The following PPP1R36 variants were observed in gnomAD, a reference collection of about 807,000 sequenced individuals.
PPP1R36 encodes the protein chromosome 14 open reading frame 50.
A neutral mutation model predicts 53.4 loss-of-function variants in PPP1R36; 47 were observed. That is an observed-to-expected ratio of 0.88 (90% CI 0.70 to 1.12). The LOEUF is 1.12. Ranked by LOEUF, PPP1R36 falls within the 50% of genes most tolerant of loss-of-function variation. The pLI is 0.00. For missense variants in PPP1R36, 456 were observed against 513.9 expected, an observed-to-expected ratio of 0.89 and a Z score of 1.09; for synonymous variants, 153 against 170.5, an observed-to-expected ratio of 0.90 and a Z score of 0.80.
At chr14:64,587,967 C>A in intron 10 of PPP1R36, 137 bp from the exon 11 acceptor site, 2 of 809,234 alleles carry the variant, frequency 2.5e-6, no homozygotes, top group African/African-American at 1.7e-5. Flanking sequence ...TGGTCTCGAA[C>A]TCCTGGGCTC....
chr14:64,585,254 G>A (rs112042339), intron 8 of PPP1R36, among the ~76,000 whole-genome samples: 3,884 of 152,298 alleles, frequency 0.026, 134 homozygotes, highest in African/African-American at 0.072. Context: ...CTTGGCTCAC[G>A]CCTGTCATCC....
chr14:64,558,001 T>TGGAA (rs2080170932), intron 3 of PPP1R36, among the ~76,000 whole-genome samples: 1 of 151,566 alleles, frequency 6.6e-6, no homozygotes, highest in East Asian at 2.0e-4. Context: ...AGAAAAAAAA[T>TGGAA]AGAGAAAGAA....
chr14:64,552,153 A>T (rs1376647530), intron 2 of PPP1R36, among the ~76,000 whole-genome samples: 1 of 152,220 alleles, frequency 6.6e-6, no homozygotes, highest in East Asian at 1.9e-4. Flanking sequence ...TTGGGTGATC[A>T]GGTGGCTGGG....
intron 3 of PPP1R36, among the ~76,000 whole-genome samples, chr14:64,554,448 G>A (rs2080129849): frequency 6.7e-6 from 1 of 149,742 alleles, no homozygotes; most frequent in African/African-American, 2.5e-5. Context: ...ACCACACCTG[G>A]CTTCATCACA....
At chr14:64,564,913 C>T (rs375243022) in intron 4 of PPP1R36, 76 bp downstream of exon 4, 35 of 908,936 alleles carry the variant, frequency 3.9e-5, no homozygotes, top group African/African-American at 6.9e-5. Flanking sequence ...TTACAAACTA[C>T]GAAAATACCA....
At chr14:64,563,454 T>TA (rs34454896) in intron 3 of PPP1R36, among the ~76,000 whole-genome samples, 115,412 of 144,408 alleles carry the variant, frequency 0.8, 46,022 homozygotes, top group East Asian at 0.85. Context: ...CCAGTCATCT[T>TA]AAAAAAAAAA....
intron 1 of PPP1R36, among the ~76,000 whole-genome samples, 168 bp from the exon 2 acceptor site, chr14:64,550,753 C>G (rs1227634127): frequency 6.6e-6 from 1 of 152,210 alleles, no homozygotes; most frequent in East Asian, 1.9e-4. Flanking sequence ...ATTCTACACT[C>G]TTACTGAAAG....
intron 3 of PPP1R36, among the ~76,000 whole-genome samples, chr14:64,556,584 A>C (rs2080154002): frequency 1.3e-5 from 2 of 148,602 alleles, no homozygotes; most frequent in Admixed American, 6.8e-5. Flanking sequence ...CAACATAGTG[A>C]GACTTCTGTT....
intron 3 of PPP1R36, among the ~76,000 whole-genome samples, chr14:64,558,148 C>T (rs987094576): frequency 1.2e-4 from 18 of 152,160 alleles, no homozygotes; most frequent in African/African-American, 4.3e-4. Context: ...GCAAACACTG[C>T]AAAAAGGCCT....
At chr14:64,564,881 CTCAGTGGAA>C in intron 4 of PPP1R36, 44 bp downstream of exon 4, 1 of 1,331,818 alleles carries the variant, frequency 7.5e-7, no homozygotes, top group Non-Finnish European at 1.1e-6. Context: ...GATAGCATCT[CTCAGTGGAA>C]TGGCTTCAGC....
intron 8 of PPP1R36, among the ~76,000 whole-genome samples, chr14:64,575,349 T>G (rs897770678): frequency 2.6e-5 from 4 of 152,252 alleles, no homozygotes; most frequent in Non-Finnish European, 5.9e-5. Flanking sequence ...TGTTGGTATA[T>G]ACATTTTTGT....
intron 3 of PPP1R36, among the ~76,000 whole-genome samples, chr14:64,558,551 T>C (rs12894050): frequency 0.81 from 122,350 of 151,958 alleles, 49,415 homozygotes; most frequent in East Asian, 0.87. Context: ...TGCACTCCAG[T>C]CTGGGCAACA....
chr14:64,552,601 A>G (rs1315460499), intron 2 of PPP1R36: 1 of 483,554 alleles, frequency 2.1e-6, no homozygotes, highest in African/African-American at 2.0e-5. Context: ...AGGTCAGGAA[A>G]GGAGTTGGCT....
In PPP1R36 at chr14:64,588,121, G is replaced by A. The variant is rs964603387; in HGVS notation, c.908G>A (p.Arg303His). The part of the protein sequence containing the change: ...FVQFRRMMAK[R>H]PAIKKAINMR... ...CCCGACAGGAGAATGATGGCAAAAC[G>A]CCCAGCAATTAAAAAAGCTATCAAC... The change falls in exon 11 of 12, where the codon CGC (arginine) becomes CAC (histidine). Residue 303 changes from arginine (R) to histidine (H), a missense_variant. Coordinates refer to ENST00000298705, the MANE Select transcript of PPP1R36 (RefSeq NM_172365.3). 4 of 1,601,090 alleles carry A rather than the reference G, an allele frequency of 2.5e-6. No individual in the cohort carries two copies. Among genetic ancestry groups the A allele is most frequent in the African/African-American group, 2.7e-5 (2 of 74,404 alleles).
chr14:64,564,469 C>T (rs1424470862), intron 3 of PPP1R36, among the ~76,000 whole-genome samples: 1 of 152,102 alleles, frequency 6.6e-6, no homozygotes, highest in Non-Finnish European at 1.5e-5. Flanking sequence ...TCAAACTTAC[C>T]AAGAGCTTTC....
intron 8 of PPP1R36, among the ~76,000 whole-genome samples, chr14:64,581,705 C>T (rs2080391299): frequency 6.6e-6 from 1 of 152,104 alleles, no homozygotes; most frequent in African/African-American, 2.4e-5. Flanking sequence ...TAATATTTGA[C>T]TACAACACAT....
intron 11 of PPP1R36, among the ~76,000 whole-genome samples, chr14:64,588,901 G>A (rs1392779676): frequency 1.3e-5 from 2 of 152,074 alleles, no homozygotes; most frequent in Non-Finnish European, 2.9e-5. Context: ...TCTATTAGTA[G>A]AATCACCTTT....
chr14:64,573,382 A>G (rs973820127), intron 7 of PPP1R36, among the ~76,000 whole-genome samples: 3 of 152,138 alleles, frequency 2.0e-5, no homozygotes, highest in Admixed American at 2.0e-4. Context: ...ACACAGCTAC[A>G]CTCAAAATGG....
At chr14:64,572,821 G>C (rs572320531) in intron 7 of PPP1R36, among the ~76,000 whole-genome samples, 1 of 152,290 alleles carries the variant, frequency 6.6e-6, no homozygotes, top group South Asian at 2.1e-4. Flanking sequence ...AGCAAAAGAA[G>C]AATATTAGCT....
Sources: gnomAD v4.1 joint callset for allele counts (sites outside exome capture counted in the v4.1 genomes callset) on GRCh38, gnomAD v4.1.1 for gene constraint, MANE v1.5 for transcripts, NCBI Gene and HGNC (gene_info 2026-07-23, HGNC 2026-07-21) for gene names.